Variants in ATP9A observed in about 807,000 individuals in gnomAD.
ATP9A encodes ATPase phospholipid transporting 9A.
Under a neutral mutation model 144.1 loss-of-function variants are expected in ATP9A, and 52 were observed. The observed-to-expected ratio is 0.36, with a 90% CI of 0.29 to 0.45. The LOEUF (loss-of-function observed/expected upper bound fraction) is 0.45, where lower values mean the gene tolerates loss of function less well. ATP9A is among the 20% of genes least tolerant of loss of function. ATP9A has a pLI of 1.00. For synonymous variants in ATP9A, 582 were observed against 557.4 expected (o/e 1.04, Z -0.62); for missense variants, 947 against 1,392.7 (o/e 0.68, Z 5.09).
intron 22 of ATP9A, among the ~76,000 whole-genome samples, chr20:51,615,492 T>C (rs1038180007): frequency 2.4e-4 from 36 of 152,176 alleles, no homozygotes; most frequent in Non-Finnish European, 1.5e-4. Context: ...TATATATACA[T>C]GTGTAAGATA....
intron 9 of ATP9A, among the ~76,000 whole-genome samples, chr20:51,681,546 C>G (rs1019596711): frequency 4.0e-5 from 6 of 151,798 alleles, no homozygotes; most frequent in African/African-American, 7.3e-5. Context: ...CTCAGCCTCC[C>G]AAGTAACTGG....
intron 4 of ATP9A, among the ~76,000 whole-genome samples, chr20:51,712,284 C>G (rs989831811): frequency 1.3e-4 from 20 of 152,076 alleles, no homozygotes; most frequent in Non-Finnish European, 1.9e-4. Flanking sequence ...CCATGTTAGC[C>G]AGGATGGTCT....
Position 51,611,686 on chromosome 20 carries a change from C to T in ATP9A, c.2572-1521G>A, listed in dbSNP as rs1480012767. Among the ~76,000 whole-genome samples the T allele has an allele frequency of 6.6e-6, 1 of 152,132 alleles. No individual in the cohort carries two copies. The highest frequency in any genetic ancestry group is 1.5e-5 in the Non-Finnish European group (1 of 68,030). On this transcript the variant is annotated intron_variant, in intron 23 of 27. Coordinates refer to ENST00000338821, the MANE Select transcript of ATP9A (RefSeq NM_006045.3). This position sits in a 1 kb window ranked among gnomAD's most constrained non-coding sequence, Gnocchi z 4.2. ...AGTTTTTGAAGAAGTCAGCTCATCC[C>T]GGCCAGCTTTTGTGTATGAGTCCAA...
intron 1 of ATP9A, among the ~76,000 whole-genome samples, chr20:51,760,626 C>G (rs918368970): frequency 3.3e-5 from 5 of 151,350 alleles, no homozygotes; most frequent in Non-Finnish European, 5.9e-5. Context: ...ACTTGGGAGG[C>G]TGAGGCAGGA....
chr20:51,604,748 C>T (rs963170163), intron 27 of ATP9A, 69 bp downstream of exon 27: 17 of 1,343,454 alleles, frequency 1.3e-5, no homozygotes, highest in Admixed American at 3.3e-5. Flanking sequence ...TTCCTTCATA[C>T]GGCAGTGAGA....
At chr20:51,608,983 G>A (rs187036486) in intron 24 of ATP9A, among the ~76,000 whole-genome samples, 338 of 148,076 alleles carry the variant, frequency 2.3e-3, no homozygotes, top group African/African-American at 8.2e-3. Context: ...TTTAGAGGCT[G>A]AGGAACAGAA....
At chr20:51,763,527 A>G (rs772246442) in intron 1 of ATP9A, among the ~76,000 whole-genome samples, 1 of 151,766 alleles carries the variant, frequency 6.6e-6, no homozygotes, top group Non-Finnish European at 1.5e-5. Context: ...GTTAGCCAGG[A>G]TGGTCTGGAT....
chr20:51,669,935 A>C, intron 13 of ATP9A, 62 bp downstream of exon 13: 1 of 1,084,560 alleles, frequency 9.2e-7, no homozygotes, highest in South Asian at 1.3e-5. Flanking sequence ...TTACATCTCA[A>C]TATAGCTGTT....
rs2077333391 is a variant in ATP9A at position 51,644,356 on chromosome 20, T to C, written c.1507-4852A>G. 3.8e-5 allele frequency among the ~76,000 whole-genome samples: 5 copies of C among 132,550 alleles called. No individual in the cohort carries two copies. In the South Asian group the frequency reaches 1.1e-3, roughly 28 times the overall value. The allele number at this position is 132,550 out of a possible 152,430, so 87.0% of individuals were successfully genotyped here. A position where few individuals can be genotyped will look rare whatever the true frequency, so the allele number is the denominator to read the frequency against. ...GGCGCGATCTCGGCTCACTGCAAAC[T>C]CCACCTCCTGGGTTCATGCCATTCT... On this transcript the variant is annotated intron_variant, in intron 14 of 27. Transcript: ENST00000338821.
intron 27 of ATP9A, among the ~76,000 whole-genome samples, chr20:51,604,026 G>A (rs1037426057): frequency 9.2e-5 from 14 of 152,024 alleles, no homozygotes; most frequent in East Asian, 3.9e-4. Flanking sequence ...TGATCCACCC[G>A]CCTCTGCCTC....
intron 1 of ATP9A, among the ~76,000 whole-genome samples, chr20:51,756,720 G>A (rs1163138932): frequency 1.3e-5 from 2 of 152,292 alleles, no homozygotes; most frequent in African/African-American, 2.4e-5. Flanking sequence ...CACATTCTGA[G>A]GTGCTGGGGA....
In ATP9A at chr20:51,629,082, G is replaced by A. The variant is rs768862559; in HGVS notation, c.1669-10C>T. 7 of 1,605,866 alleles carry A rather than the reference G, an allele frequency of 4.4e-6. No individual in the cohort carries two copies. In the East Asian group the frequency reaches 1.1e-4, roughly 26 times the overall value. On this transcript the variant is annotated splice_polypyrimidine_tract_variant and intron_variant, in intron 15 of 27. Transcript: ENST00000338821. ...CTCCAGTTGATTCATCCTAGAGAGG[G>A]AGGCCGGAAGGAATGAGAAACTGAA... is the stretch of plus-strand genomic sequence containing the variant.
intron 22 of ATP9A, among the ~76,000 whole-genome samples, chr20:51,615,083 G>T (rs1196285698): frequency 8.1e-6 from 1 of 124,030 alleles, no homozygotes; most frequent in East Asian, 2.6e-4. Flanking sequence ...TGGGGTGGGG[G>T]TGCCTGGGGG....
At chr20:51,620,735 C>T (rs1005083655) in intron 19 of ATP9A, among the ~76,000 whole-genome samples, 6 of 152,020 alleles carry the variant, frequency 3.9e-5, no homozygotes, top group East Asian at 1.9e-4. Context: ...TGCAAAAAAC[C>T]GGATACTCGA....
chr20:51,718,346 G>T (rs1033194710), intron 3 of ATP9A, among the ~76,000 whole-genome samples: 1 of 150,670 alleles, frequency 6.6e-6, no homozygotes, highest in African/African-American at 2.4e-5. Flanking sequence ...TAGCTACACA[G>T]GTGATTTTCA....
At position 51,634,600 on chromosome 20, in the gene ATP9A, T is replaced by C. The variant is rs1213733605; in HGVS notation, c.1668+4743A>G. On this transcript the variant is annotated intron_variant, in intron 15 of 27. Transcript: ENST00000338821. ...GGCCGAGCGTGGCGGCTCACTTCTGTATCCCAGCACTTTGGGAGGCCGAGG... is the reference window on the plus strand; with the variant it reads ...GGCCGAGCGTGGCGGCTCACTTCTGCATCCCAGCACTTTGGGAGGCCGAGG... Among the ~76,000 whole-genome samples the C allele has an allele frequency of 2.0e-5, 3 of 152,030 alleles. No individual in the cohort carries two copies. In the East Asian group the frequency reaches 5.8e-4, roughly 29 times the overall value.
intron 22 of ATP9A, 86 bp from the exon 23 acceptor site, chr20:51,613,918 T>A: frequency 7.3e-7 from 1 of 1,377,746 alleles, no homozygotes; most frequent in Non-Finnish European, 9.8e-7. Flanking sequence ...CAAGACATTG[T>A]AGGAAATCTT....
chr20:51,731,893 G>C (rs1244585169), intron 1 of ATP9A, among the ~76,000 whole-genome samples: 1 of 152,040 alleles, frequency 6.6e-6, no homozygotes, highest in East Asian at 1.9e-4. Context: ...TAAAGGAAAA[G>C]GGGGAGCGGG....
chr20:51,659,522 A>T (rs2077402704), intron 13 of ATP9A, among the ~76,000 whole-genome samples: 1 of 152,226 alleles, frequency 6.6e-6, no homozygotes, highest in Admixed American at 6.5e-5. Context: ...CAGATTTTAA[A>T]TCACAGATTT....
Sources: allele counts gnomAD v4.1 joint callset (sites outside exome capture counted in the v4.1 genomes callset), GRCh38; gene constraint gnomAD v4.1.1; non-coding constraint Gnocchi (gnomAD v3.1); transcripts MANE v1.5; gene names NCBI Gene and HGNC (gene_info 2026-07-23, HGNC 2026-07-21).